Variants in MEGF10 observed in about 807,000 individuals in gnomAD.
The protein encoded by MEGF10 is multiple epidermal growth factor-like domains protein 10.
A neutral mutation model predicts 147.5 loss-of-function variants in MEGF10; 86 were observed. The ratio of observed to expected loss-of-function variants is 0.58; its 90% CI spans 0.49 to 0.70. The LOEUF (loss-of-function observed/expected upper bound fraction) is 0.70. Ranked by LOEUF, MEGF10 falls within the 30% of genes least tolerant of loss-of-function variation. The probability of loss-of-function intolerance (pLI) is 0.00; values close to 1 mark genes in which losing one functional copy is unlikely to be tolerated. For synonymous variants in MEGF10, 478 were observed against 525.5 expected (o/e 0.91, Z 1.24); for missense variants, 1,329 against 1,487.3 (o/e 0.89, Z 1.75).
the MEGF10 span, among the ~76,000 whole-genome samples, chr5:127,281,425 T>C: frequency 1.3e-5 from 2 of 152,182 alleles, no homozygotes; most frequent in Non-Finnish European, 2.9e-5. Flanking sequence ...GAAGCGTCTG[T>C]GGCATTTCAG....
the MEGF10 span, among the ~76,000 whole-genome samples, chr5:127,275,392 A>C: frequency 6.6e-6 from 1 of 152,154 alleles, no homozygotes; most frequent in African/African-American, 2.4e-5. Flanking sequence ...TAGAGTCTCT[A>C]TCTATCAGAG....
chr5:127,237,871 C>G, the MEGF10 span, among the ~76,000 whole-genome samples: 1 of 151,980 alleles, frequency 6.6e-6, no homozygotes, highest in Non-Finnish European at 1.5e-5. Flanking sequence ...CCTATGGTGT[C>G]TTCTACTGAA....
At chr5:127,323,338 A>G (rs955506019) in intron 1 of MEGF10, among the ~76,000 whole-genome samples, 1 of 152,210 alleles carries the variant, frequency 6.6e-6, no homozygotes, top group Non-Finnish European at 1.5e-5. Flanking sequence ...CTAGATGACT[A>G]TGCCTAAATG....
chr5:127,296,863 T>C (rs1759525296), intron 1 of MEGF10, among the ~76,000 whole-genome samples: 1 of 152,222 alleles, frequency 6.6e-6, no homozygotes, highest in South Asian at 2.1e-4. Context: ...TTGAGAAAAG[T>C]ACTTGAGTTT....
At chr5:127,416,729 A>T (rs1764793082) in intron 9 of MEGF10, among the ~76,000 whole-genome samples, 1 of 152,182 alleles carries the variant, frequency 6.6e-6, no homozygotes, top group Non-Finnish European at 1.5e-5. Context: ...TGAGACCCTC[A>T]CTTGGCAGAC....
chr5:127,436,524 C>T (rs1198888675), intron 16 of MEGF10, among the ~76,000 whole-genome samples: 1 of 152,160 alleles, frequency 6.6e-6, no homozygotes, highest in Non-Finnish European at 1.5e-5. Flanking sequence ...ACATGTGTTG[C>T]AAGGGCTCTG....
chr5:127,368,543 G>A (rs929816792), intron 4 of MEGF10, among the ~76,000 whole-genome samples: 1 of 151,988 alleles, frequency 6.6e-6, no homozygotes, highest in East Asian at 1.9e-4. Flanking sequence ...GTTTTTCAGG[G>A]TCTCTCTCTC....
intron 4 of MEGF10, among the ~76,000 whole-genome samples, chr5:127,367,172 AGT>A (rs1445456362): frequency 6.6e-6 from 1 of 152,170 alleles, no homozygotes. Flanking sequence ...TCAAATAAGT[AGT>A]GTGTGGAAGA....
intron 1 of MEGF10, among the ~76,000 whole-genome samples, chr5:127,323,582 G>A (rs1202889514): frequency 6.6e-6 from 1 of 152,188 alleles, no homozygotes; most frequent in African/African-American, 2.4e-5. Context: ...TTATTAGGAG[G>A]TATTTTGGAA....
At chr5:127,431,375 A>T (rs768076573) in intron 13 of MEGF10, among the ~76,000 whole-genome samples, 10 of 152,218 alleles carry the variant, frequency 6.6e-5, no homozygotes, top group Non-Finnish European at 1.3e-4. Flanking sequence ...AGTGTACTCC[A>T]TTCCATCTTA....
At chr5:127,272,147 A>G in the MEGF10 span, among the ~76,000 whole-genome samples, 2 of 152,148 alleles carry the variant, frequency 1.3e-5, no homozygotes, top group East Asian at 3.9e-4. Context: ...TTTTCTGCAT[A>G]TGGCTAGCCA....
chr5:127,289,343 C>G (rs1759135732), upstream of MEGF10, among the ~76,000 whole-genome samples: 1 of 152,178 alleles, frequency 6.6e-6, no homozygotes, highest in Non-Finnish European at 1.5e-5. Context: ...CCTTAGAAAA[C>G]AGCCATATGG....
At chr5:127,273,011 A>G in the MEGF10 span, among the ~76,000 whole-genome samples, 1 of 152,166 alleles carries the variant, frequency 6.6e-6, no homozygotes, top group Non-Finnish European at 1.5e-5. Flanking sequence ...CAATCTCTAG[A>G]TCCCCTTCCT....
chr5:127,413,726 G>C lies in MEGF10; in HGVS notation c.1130+3125G>C, dbSNP rs115846425. Among the ~76,000 whole-genome samples the C allele has an allele frequency of 9.7e-3, 1,478 of 152,202 alleles. 24 individuals are homozygous for C. The highest frequency in any genetic ancestry group is 0.034 in the African/African-American group (1,408 of 41,524). Reference sequence around the variant, plus strand: ...ACATGTAAATCTCATTACCAATTAAGCTGCCTGCATGAGAACCCATCAAAT... The same window carrying C: ...ACATGTAAATCTCATTACCAATTAACCTGCCTGCATGAGAACCCATCAAAT... On this transcript the variant is annotated intron_variant, in intron 9 of 24. Transcript: ENST00000503335.
rs200050342 is a variant in MEGF10, at chr5:127,420,051, C to T, written c.1434C>T (p.His478=). The T allele has an allele frequency of 7.0e-5, 113 of 1,613,996 alleles. No homozygotes were observed. The highest frequency in any genetic ancestry group is 1.0e-4 in the Admixed American group (6 of 60,002). The change falls in exon 12 of 25, where the codon CAC becomes CAT. Residue 478 remains histidine (H), a synonymous_variant. Coordinates refer to ENST00000503335, the MANE Select transcript of MEGF10 (RefSeq NM_001256545.2). Reference sequence around the variant, plus strand: ...GGCGTTCTTGTCGCACAGGCTGGCACGGGGTGGACTGCTCCATCAGATGTC... The same window carrying T: ...GGCGTTCTTGTCGCACAGGCTGGCATGGGGTGGACTGCTCCATCAGATGTC... ...DGSCTCKAGW[H]GVDCSIRCPS...
rs1297323227 is a variant in MEGF10 at position 127,370,028 on chromosome 5, T to C, written c.412+26T>C. ...GTAAGTTTCCACCTGCTGTTGTCTG[T>C]CTCGGGATGTTTTTGCTGTAAGGCC... On this transcript the variant is annotated intron_variant, in intron 5 of 24. Transcript: ENST00000503335. 2.5e-6 allele frequency: 4 copies of C among 1,591,804 alleles called. No homozygotes were observed. The Admixed American group carries it at 5.0e-5, about 20-fold the overall frequency.
At chr5:127,320,354 T>C (rs1383408571) in intron 1 of MEGF10, among the ~76,000 whole-genome samples, 3 of 152,144 alleles carry the variant, frequency 2.0e-5, no homozygotes, top group Non-Finnish European at 4.4e-5. Flanking sequence ...TTATGGATGA[T>C]GTGAATGAAG....
intron 1 of MEGF10, among the ~76,000 whole-genome samples, chr5:127,312,508 C>T (rs939751365): frequency 1.3e-5 from 2 of 152,176 alleles, no homozygotes; most frequent in African/African-American, 2.4e-5. Context: ...AACCCCCAAT[C>T]GCACAGAGTT....
chr5:127,356,545 T>C (rs919446524), intron 4 of MEGF10, among the ~76,000 whole-genome samples: 2 of 152,224 alleles, frequency 1.3e-5, no homozygotes, highest in Non-Finnish European at 2.9e-5. Flanking sequence ...AAAGTGGTTA[T>C]GGCAAGTTTA....
Sources: allele counts gnomAD v4.1 joint callset (sites outside exome capture counted in the v4.1 genomes callset), GRCh38; gene constraint gnomAD v4.1.1; transcripts MANE v1.5; gene names NCBI Gene and HGNC (gene_info 2026-07-23, HGNC 2026-07-21).